Variants in PDK1 observed in about 807,000 individuals in gnomAD.
PDK1 encodes pyruvate dehydrogenase kinase 1, also known as [Pyruvate dehydrogenase (acetyl-transferring)] kinase isozyme 1, mitochondrial.
In PDK1, 39 loss-of-function variants were observed where a neutral mutation model predicts 54.2. The observed-to-expected ratio is 0.72, with a 90% confidence interval of 0.56 to 0.94. PDK1 has a LOEUF of 0.94. Ranked by LOEUF, PDK1 falls within the 40% of genes least tolerant of loss-of-function variation. The pLI is 0.00. For missense variants in PDK1, 552 were observed against 566.0 expected, an observed-to-expected ratio of 0.98 and a Z score of 0.25; for synonymous variants, 221 against 207.1, an observed-to-expected ratio of 1.07 and a Z score of -0.58.
At chr2:172,709,234 G>C in the PDK1 span, among the ~76,000 whole-genome samples, 414 of 152,202 alleles carry the variant, frequency 2.7e-3, 2 homozygotes, top group African/African-American at 9.2e-3. Flanking sequence ...CGTCTTGTGG[G>C]ACCATCTCTC....
chr2:172,555,975 C>T (rs371849543), upstream of PDK1: 933 of 429,686 alleles, frequency 2.2e-3, 7 homozygotes, highest in African/African-American at 0.015. Context: ...CCGCCTCCTT[C>T]CCGCTCCGCG....
the PDK1 span, among the ~76,000 whole-genome samples, chr2:172,621,145 G>C: frequency 5.3e-5 from 8 of 152,112 alleles, no homozygotes; most frequent in Non-Finnish European, 1.0e-4. Context: ...CTGGGCATGC[G>C]TGGTGGTTAA....
At chr2:172,702,953 C>T in the PDK1 span, among the ~76,000 whole-genome samples, 1 of 152,080 alleles carries the variant, frequency 6.6e-6, no homozygotes, top group East Asian at 1.9e-4. Flanking sequence ...ATATCAGTTC[C>T]TAATTCCTGG....
intron 9 of PDK1, among the ~76,000 whole-genome samples, chr2:172,589,529 T>C (rs967619142): frequency 2.0e-5 from 3 of 152,210 alleles, no homozygotes; most frequent in Non-Finnish European, 4.4e-5. Flanking sequence ...TCTGAACTCC[T>C]GCTGGGTTTT....
the PDK1 span, among the ~76,000 whole-genome samples, chr2:172,718,611 G>T: frequency 6.6e-6 from 1 of 152,168 alleles, no homozygotes; most frequent in African/African-American, 2.4e-5. Flanking sequence ...TTAGCAAACA[G>T]AATATGTTGA....
At chr2:172,642,850 T>TCTCCTCCTTCTCCTC in the PDK1 span, among the ~76,000 whole-genome samples, 1 of 143,886 alleles carries the variant, frequency 6.9e-6, no homozygotes, top group East Asian at 2.0e-4. Flanking sequence ...TCCTTCTCCT[T>TCTCCTCCTTCTCCTC]CTCCTCCTTC....
chr2:172,624,879 T>G, the PDK1 span, among the ~76,000 whole-genome samples: 6 of 151,748 alleles, frequency 4.0e-5, no homozygotes, highest in Admixed American at 1.3e-4. Context: ...TCCCAGCTAC[T>G]CGGGAGGGTG....
At chr2:172,701,915 T>C in the PDK1 span, among the ~76,000 whole-genome samples, 1 of 152,192 alleles carries the variant, frequency 6.6e-6, no homozygotes, top group Non-Finnish European at 1.5e-5. Context: ...TAGTATTGCG[T>C]TTAGTATATA....
rs550114195 is a variant in PDK1 at position 172,561,557 on chromosome 2, C to G, written c.339-663C>G. On this transcript the variant is annotated intron_variant, in intron 2 of 10. Transcript: ENST00000282077. ...AGCAAGTTATTTTTAGCTCTGGCCC[C>G]GCAGTGCCATTGTACTTGCCTGCAA... is the stretch of plus-strand genomic sequence containing the variant. 3.9e-4 allele frequency among the ~76,000 whole-genome samples: 60 copies of G among 152,338 alleles called. 1 individual carries two copies. Among genetic ancestry groups the G allele is most frequent in the Non-Finnish European group, 6.8e-4 (46 of 68,046 alleles).
the PDK1 span, among the ~76,000 whole-genome samples, chr2:172,712,245 A>T: frequency 0.27 from 40,469 of 152,188 alleles, 6,967 homozygotes; most frequent in Non-Finnish European, 0.39. Flanking sequence ...GCAATAGTTC[A>T]CAAGTAATTT....
the PDK1 span, among the ~76,000 whole-genome samples, chr2:172,701,649 T>G: frequency 7.8e-5 from 3 of 38,496 alleles, no homozygotes; most frequent in Admixed American, 6.0e-4. Context: ...TTTTGTTTTG[T>G]TTTTTTTTTT....
intron 9 of PDK1, among the ~76,000 whole-genome samples, chr2:172,588,326 A>T (rs1368768267): frequency 6.6e-6 from 1 of 152,226 alleles, no homozygotes; most frequent in Non-Finnish European, 1.5e-5. Context: ...CAGACTCTGG[A>T]TCTAAACTCT....
At chr2:172,562,907 A>G in intron 3 of PDK1, 1 of 993,356 alleles carries the variant, frequency 1.0e-6, no homozygotes, top group East Asian at 2.6e-5. Context: ...TGAGAGTGTA[A>G]TGACCATCTC....
At chr2:172,579,507 C>A (rs1312301069) in intron 8 of PDK1, among the ~76,000 whole-genome samples, 1 of 150,032 alleles carries the variant, frequency 6.7e-6, no homozygotes, top group Non-Finnish European at 1.5e-5. Flanking sequence ...ATTTTTGCAC[C>A]CCCCTCCCCC....
chr2:172,574,682 T>A (rs1214101482), intron 8 of PDK1, among the ~76,000 whole-genome samples: 1 of 152,232 alleles, frequency 6.6e-6, no homozygotes, highest in East Asian at 1.9e-4. Context: ...TTTTTGATGC[T>A]ATTGTAATGG....
At chr2:172,624,156 G>T in the PDK1 span, among the ~76,000 whole-genome samples, 10 of 152,166 alleles carry the variant, frequency 6.6e-5, no homozygotes, top group African/African-American at 2.4e-4. Flanking sequence ...GCCCTAGGTG[G>T]TTATCTGACC....
At chr2:172,668,750 A>AAT in the PDK1 span, among the ~76,000 whole-genome samples, 2 of 146,710 alleles carry the variant, frequency 1.4e-5, no homozygotes, top group East Asian at 2.0e-4. Context: ...ATATATATTA[A>AAT]ATATATATAT....
chr2:172,612,565 A>C (rs1007269246), downstream of PDK1, among the ~76,000 whole-genome samples: 1 of 152,180 alleles, frequency 6.6e-6, no homozygotes. Context: ...AAGTCCAGTC[A>C]CCACTCTATC....
the PDK1 span, among the ~76,000 whole-genome samples, chr2:172,672,095 A>G: frequency 0.014 from 2,084 of 152,294 alleles, 49 homozygotes; most frequent in African/African-American, 0.048. Context: ...AAGAGACAAG[A>G]AGTATTCTTG....
Sources: allele counts gnomAD v4.1 joint callset (sites outside exome capture counted in the v4.1 genomes callset), GRCh38; gene constraint gnomAD v4.1.1; transcripts MANE v1.5; gene names NCBI Gene and HGNC (gene_info 2026-07-23, HGNC 2026-07-21).